The following WWC1 variants were observed in gnomAD, a reference collection of about 807,000 sequenced individuals.
WWC1 encodes the protein protein KIBRA.
Under a neutral mutation model 138.4 loss-of-function variants are expected in WWC1, and 55 were observed. The observed-to-expected ratio is 0.40, with a 90% CI of 0.32 to 0.50. The LOEUF is 0.50. Among genes scored for constraint, WWC1 ranks in the 20% least tolerant of loss-of-function variants. The pLI is 0.72. For synonymous variants in WWC1, 524 were observed against 564.9 expected (o/e 0.93, Z 1.03); for missense variants, 1,226 against 1,420.4 (o/e 0.86, Z 2.20).
At chr5:168,309,920 G>A (rs904036324) in intron 1 of WWC1, among the ~76,000 whole-genome samples, 2 of 152,086 alleles carry the variant, frequency 1.3e-5, no homozygotes, top group Non-Finnish European at 2.9e-5. Flanking sequence ...ACAACAAATC[G>A]AAAACTGAAT....
At chr5:168,340,855 G>A (rs1773982206) in intron 1 of WWC1, among the ~76,000 whole-genome samples, 1 of 152,128 alleles carries the variant, frequency 6.6e-6, no homozygotes, top group Non-Finnish European at 1.5e-5. Flanking sequence ...ATCTGGTAGG[G>A]ACTATTTTTC....
intron 1 of WWC1, among the ~76,000 whole-genome samples, chr5:168,295,609 G>A (rs1407835952): frequency 6.6e-6 from 1 of 151,934 alleles, no homozygotes; most frequent in African/African-American, 2.4e-5. Context: ...TGGTCCTTCA[G>A]TCAGAAAAGT....
Position 168,408,668 on chromosome 5 carries a change from C to A in WWC1, c.867+15C>A. ...TCTCGGGAAGCGTGAGTAGACGGGG[C>A]AGGTTGCTGGGGGCCTTCCACAGGA... On this transcript the variant is annotated intron_variant, in intron 7 of 22. Transcript: ENST00000265293. The A allele has an allele frequency of 6.2e-7, 1 of 1,613,314 alleles. No individual in the cohort carries two copies. The highest frequency in any genetic ancestry group is 1.1e-5 in the South Asian group (1 of 90,936).
At chr5:168,436,994 A>C (rs1782401213) in intron 15 of WWC1, among the ~76,000 whole-genome samples, 1 of 152,036 alleles carries the variant, frequency 6.6e-6, no homozygotes. Context: ...CTGGCCTCCA[A>C]GGCCCCTTGG....
At chr5:168,424,593 G>A (rs894932243) in intron 11 of WWC1, among the ~76,000 whole-genome samples, 3 of 152,212 alleles carry the variant, frequency 2.0e-5, no homozygotes, top group African/African-American at 2.4e-5. Context: ...GACATTTGAG[G>A]GTGTCTTGAA....
Position 168,455,503 on chromosome 5 carries a change from A to C in WWC1, c.2806A>C (p.Ser936Arg). Reference sequence around the variant, plus strand: ...TAAGACCTTCTCCCCAGGACCCCAGAGCCAGTACGTGTGCCGGGTAAGTGA... The same window carrying C: ...TAAGACCTTCTCCCCAGGACCCCAGCGCCAGTACGTGTGCCGGGTAAGTGA... ...RSKTFSPGPQSQYVCRLNRSD... is the reference protein window; with the variant it reads ...RSKTFSPGPQRQYVCRLNRSD... The change falls in exon 19 of 23, where the codon AGC becomes CGC. Residue 936 changes from serine to arginine, a missense_variant. Ser to Arg is a moderately radical substitution (Grantham distance 110). This residue lies in a region of WWC1 where 206 missense variants were observed against 247.4 expected (regional missense o/e 0.83). Transcript: ENST00000265293. 2 of 1,613,040 alleles carry C rather than the reference A, an allele frequency of 1.2e-6. No homozygotes were observed. Among genetic ancestry groups the C allele is most frequent in the Non-Finnish European group, 1.7e-6 (2 of 1,179,546 alleles).
Position 168,408,663 on chromosome 5 carries a change from CG to C in WWC1, c.867+14del, listed in dbSNP as rs1197408666. On this transcript the variant is annotated intron_variant, in intron 7 of 22. Coordinates refer to ENST00000265293, the MANE Select transcript of WWC1 (RefSeq NM_015238.3). The stretch of plus-strand genomic sequence containing the variant: ...AGACATCTCGGGAAGCGTGAGTAGA[CG>C]GGGCAGGTTGCTGGGGGCCTTCCAC... The C allele has an allele frequency of 6.2e-7, 1 of 1,613,624 alleles. No individual in the cohort carries two copies. Among genetic ancestry groups the C allele is most frequent in the East Asian group, 2.2e-5 (1 of 44,858 alleles).
chr5:168,415,713 T>C (rs1053746432), intron 9 of WWC1: 3 of 149,784 alleles, frequency 2.0e-5, no homozygotes, highest in Non-Finnish European at 3.0e-5. Flanking sequence ...ATTTTCACCA[T>C]TTTTTGGCAG....
intron 1 of WWC1, among the ~76,000 whole-genome samples, chr5:168,351,790 A>G (rs1185470230): frequency 1.8e-4 from 28 of 152,192 alleles, no homozygotes; most frequent in Admixed American, 1.8e-3. Context: ...TTTCTGCACC[A>G]CGTGCCGCCT....
rs762896729 is a variant in WWC1, at chr5:168,408,575, C to T, written c.789C>T (p.Ser263=). 6.2e-7 allele frequency: 1 copy of T among 1,614,210 alleles called. No individual in the cohort carries two copies. The highest frequency in any genetic ancestry group is 8.5e-7 in the Non-Finnish European group (1 of 1,180,044). ...RGSHSDLWSS[S]SSLESSSFPL... ...CTCACTCAGACCTGTGGTCCAGCAG[C>T]AGCTCTCTGGAGAGTTCGAGTTTCC... Residue 263 remains serine (S), a synonymous_variant, in exon 7 of 23, where the codon AGC becomes AGT. Coordinates refer to ENST00000265293, the MANE Select transcript of WWC1 (RefSeq NM_015238.3).
intron 1 of WWC1, among the ~76,000 whole-genome samples, chr5:168,340,115 G>T (rs1428051146): frequency 7.0e-6 from 1 of 143,594 alleles, no homozygotes; most frequent in East Asian, 2.0e-4. Context: ...TCGCTCTGTC[G>T]CCTAGGCTGG....
chr5:168,322,375 C>T (rs1368708096), intron 1 of WWC1, among the ~76,000 whole-genome samples: 2 of 152,048 alleles, frequency 1.3e-5, no homozygotes, highest in African/African-American at 4.8e-5. Context: ...TCTGTCTTAA[C>T]TACTCTGTGG....
chr5:168,465,016 G>T, intron 21 of WWC1, 54 bp downstream of exon 21: 1 of 1,588,214 alleles, frequency 6.3e-7, no homozygotes, highest in Non-Finnish European at 8.6e-7. Context: ...AGAGAGTCGG[G>T]GGGCACTGCC....
At chr5:168,393,384 G>A (rs1778651529) in intron 3 of WWC1, among the ~76,000 whole-genome samples, 2 of 152,172 alleles carry the variant, frequency 1.3e-5, no homozygotes, top group African/African-American at 4.8e-5. Context: ...AAAAAATCAG[G>A]TCACACAGAA....
At chr5:168,457,899 G>A (rs1756474377) in intron 19 of WWC1, among the ~76,000 whole-genome samples, 1 of 152,252 alleles carries the variant, frequency 6.6e-6, no homozygotes, top group African/African-American at 2.4e-5. Flanking sequence ...GAGAGAAAGA[G>A]TGGCCTGTTT....
chr5:168,396,801 A>C (rs1444921788), intron 3 of WWC1, among the ~76,000 whole-genome samples: 9 of 152,226 alleles, frequency 5.9e-5, no homozygotes, highest in Admixed American at 3.9e-4. Flanking sequence ...CTATTTTTAA[A>C]ATACAGTAAG....
intron 2 of WWC1, among the ~76,000 whole-genome samples, chr5:168,376,545 A>G (rs1186132981): frequency 6.6e-6 from 1 of 152,242 alleles, no homozygotes; most frequent in Non-Finnish European, 1.5e-5. Context: ...AGATTCTGCC[A>G]AAAGACTTCT....
chr5:168,323,044 A>T (rs920366569), intron 1 of WWC1, among the ~76,000 whole-genome samples: 1 of 152,262 alleles, frequency 6.6e-6, no homozygotes. Flanking sequence ...AGATGACTTT[A>T]AAAAATTTCT....
At position 168,431,374 on chromosome 5, in the gene WWC1, C is replaced by T. The variant is rs748493784; in HGVS notation, c.2210C>T (p.Pro737Leu). ...GTGTTCTGGGTATCCATGTCCTATC[C>T]AGCCCTTCACCAGAAGACCTTAAGA... ...NEVFWVSMSY[P>L]ALHQKTLRVD... The change falls in exon 15 of 23, where the codon CCA becomes CTA. Residue 737 changes from proline (P) to leucine (L), a missense_variant. Pro to Leu is a moderately conservative substitution (Grantham distance 98, BLOSUM62 -3). Coordinates refer to ENST00000265293, the MANE Select transcript of WWC1 (RefSeq NM_015238.3). 1 of 1,614,062 alleles carries T rather than the reference C, an allele frequency of 6.2e-7. No homozygotes were observed.
Sources: allele counts gnomAD v4.1 joint callset (sites outside exome capture counted in the v4.1 genomes callset), GRCh38; gene constraint gnomAD v4.1.1; regional missense constraint gnomAD v4.1.1; transcripts MANE v1.5; gene names NCBI Gene and HGNC (gene_info 2026-07-23, HGNC 2026-07-21).